BMP8B: variants seen among roughly 807,000 people sequenced by gnomAD.
BMP8B encodes the protein bone morphogenetic protein 8b.
In BMP8B, 17 loss-of-function variants were observed where a neutral mutation model predicts 30.3. That is an observed-to-expected ratio of 0.56 (90% CI 0.38 to 0.84). The LOEUF is 0.84. Ranked by LOEUF, BMP8B falls within the 40% of genes least tolerant of loss-of-function variation. BMP8B has a pLI of 0.00. For synonymous variants in BMP8B, 131 were observed against 214.7 expected, an observed-to-expected ratio of 0.61 and a Z score of 3.41; for missense variants, 253 against 494.6, an observed-to-expected ratio of 0.51 and a Z score of 4.63.
chr1:39,783,543 G>C (rs1650791081), intron 1 of BMP8B, among the ~76,000 whole-genome samples: 1 of 152,162 alleles, frequency 6.6e-6, no homozygotes, highest in South Asian at 2.1e-4. Flanking sequence ...ATGGATAAAA[G>C]ATTTATTGTT....
chr1:39,774,965 C>T lies in BMP8B; in HGVS notation c.408G>A (p.Pro136=), dbSNP rs779510652. The T allele has an allele frequency of 2.0e-5, 28 of 1,371,852 alleles. No homozygotes were observed. In the Middle Eastern group the frequency reaches 9.9e-4, roughly 48 times the overall value. 85.0% of individuals were successfully genotyped at this position (1,371,852 alleles called of 1,614,324 possible). The change falls in exon 2 of 7, where the codon CCG becomes CCA. Residue 136 remains proline, a synonymous_variant. Transcript: ENST00000372827. ...CCGCAGCTGTGACCGCCTCCCCAGC[C>T]GGGATCTGGGTCAGGTCAAAGCGGA... ...KEFRFDLTQI[P]AGEAVTAAEF...
rs1186118290 is a variant in BMP8B, at chr1:39,760,384, A to G, written c.*35T>C. The G allele has an allele frequency of 6.2e-7, 1 of 1,611,522 alleles. No individual in the cohort carries two copies. The highest frequency in any genetic ancestry group is 2.2e-5 in the East Asian group (1 of 44,872). On this transcript the variant is annotated 3_prime_UTR_variant, in exon 7 of 7. Transcript: ENST00000372827. Reference sequence around the variant, plus strand: ...GCTTCTGAGGGGCCCGATCCAGATGAGAAGGGTGGCTGCAGCTGGGCCGGG... The same window carrying G: ...GCTTCTGAGGGGCCCGATCCAGATGGGAAGGGTGGCTGCAGCTGGGCCGGG...
At chr1:39,763,624 C>T in intron 5 of BMP8B, 88 bp downstream of exon 5, 1 of 1,374,112 alleles carries the variant, frequency 7.3e-7, no homozygotes, top group Non-Finnish European at 9.7e-7. Context: ...AAATTGAAGT[C>T]ACCATGATTC....
chr1:39,762,465 A>G (rs1649123803), intron 6 of BMP8B: 1 of 1,517,330 alleles, frequency 6.6e-7, no homozygotes, highest in South Asian at 1.3e-5. Context: ...CAGAGCACTC[A>G]ACAGTGAGCA....
At chr1:39,784,042 G>A (rs1167196856) in intron 1 of BMP8B, among the ~76,000 whole-genome samples, 6 of 152,226 alleles carry the variant, frequency 3.9e-5, no homozygotes, top group Non-Finnish European at 7.3e-5. Context: ...AGAGGCAGCT[G>A]CTATTTTGGA....
intron 3 of BMP8B, chr1:39,770,097 G>A (rs1484406239): frequency 1.2e-5 from 15 of 1,220,202 alleles, no homozygotes; most frequent in South Asian, 1.5e-5. Flanking sequence ...TGTCCCCCTC[G>A]GATCATGGCG....
Position 39,788,646 on chromosome 1 carries a change from C to T in BMP8B, c.-161G>A. ...GCGGCGACCGCGGCCTCAGCGCGGTCCCTGGAGCGCCCGCCGCGCGACACC... is the reference window on the plus strand; with the variant it reads ...GCGGCGACCGCGGCCTCAGCGCGGTTCCTGGAGCGCCCGCCGCGCGACACC... On this transcript the variant is annotated 5_prime_UTR_variant, in exon 1 of 7. Transcript: ENST00000372827. This position sits in a 1 kb window ranked among gnomAD's most constrained non-coding sequence, Gnocchi z 5.8. The T allele has an allele frequency of 1.7e-6, 1 of 585,256 alleles. No individual in the cohort carries two copies. Among genetic ancestry groups the T allele is most frequent in the Non-Finnish European group, 2.1e-6 (1 of 465,240 alleles). 36.3% of individuals were successfully genotyped at this position (585,256 alleles called of 1,614,324 possible).
chr1:39,786,804 C>T (rs1372177019), intron 1 of BMP8B, among the ~76,000 whole-genome samples: 5 of 152,360 alleles, frequency 3.3e-5, no homozygotes, highest in East Asian at 1.9e-4. Flanking sequence ...TGGCACTGGG[C>T]GCTCAGTGAT....
intron 1 of BMP8B, among the ~76,000 whole-genome samples, chr1:39,782,267 G>GC (rs1406562197): frequency 6.6e-6 from 1 of 152,082 alleles, no homozygotes; most frequent in Admixed American, 6.6e-5. Flanking sequence ...GCTCTGGGAA[G>GC]CCCCCCACAG....
intron 1 of BMP8B, among the ~76,000 whole-genome samples, chr1:39,787,235 G>A (rs1000733094): frequency 2.1e-5 from 3 of 145,870 alleles, no homozygotes; most frequent in African/African-American, 7.5e-5. Flanking sequence ...CTGATGGCCG[G>A]GGCCAGGGAC....
intron 1 of BMP8B, among the ~76,000 whole-genome samples, chr1:39,778,848 C>T (rs548736304): frequency 6.6e-5 from 10 of 152,286 alleles, no homozygotes; most frequent in African/African-American, 1.4e-4. Flanking sequence ...AAAGAGGTTC[C>T]GGGAGGAGGG....
At chr1:39,769,045 G>A (rs1298323465) in intron 3 of BMP8B, among the ~76,000 whole-genome samples, 1 of 147,246 alleles carries the variant, frequency 6.8e-6, no homozygotes, top group Non-Finnish European at 1.5e-5. Flanking sequence ...AAAAAAATAA[G>A]CAGGCATTGT....
At chr1:39,762,848 A>G (rs1360343728) in intron 6 of BMP8B, among the ~76,000 whole-genome samples, 3 of 152,262 alleles carry the variant, frequency 2.0e-5, no homozygotes, top group Non-Finnish European at 2.9e-5. Context: ...GGTGCATAGA[A>G]CAGGCATGTG....
intron 1 of BMP8B, among the ~76,000 whole-genome samples, chr1:39,787,417 T>A (rs1270598933): frequency 6.6e-6 from 1 of 152,044 alleles, no homozygotes; most frequent in African/African-American, 2.4e-5. Context: ...GGAAAAAAAA[T>A]CTCTGAGATC....
intron 6 of BMP8B, chr1:39,761,445 C>T (rs1648968208): frequency 6.6e-6 from 1 of 152,618 alleles, no homozygotes; most frequent in African/African-American, 2.4e-5. Flanking sequence ...CAATCCCAGC[C>T]TCCCCCAGCA....
chr1:39,764,630 C>G lies in BMP8B; in HGVS notation c.861G>C (p.Gly287=), dbSNP rs146913254. 3.2e-5 allele frequency: 51 copies of G among 1,613,052 alleles called. No homozygotes were observed. In the African/African-American group the frequency reaches 3.7e-4, roughly 12 times the overall value. Residue 287 remains glycine (G), a synonymous_variant, in exon 4 of 7, where the codon GGG becomes GGC. Coordinates refer to ENST00000372827, the MANE Select transcript of BMP8B (RefSeq NM_001720.5). ...NELPQANRLP[G]IFDDVHGSHG... ...AGCCTGCCCGACCCTCACCAAAGAT[C>G]CCTGGGAGTCGGTTGGCCTGCGGCA...
intron 6 of BMP8B, among the ~76,000 whole-genome samples, 186 bp from the exon 7 acceptor site, chr1:39,760,754 T>A (rs2124411448): frequency 6.6e-6 from 1 of 151,996 alleles, no homozygotes; most frequent in South Asian, 2.1e-4. Flanking sequence ...GTGGGAGCTG[T>A]AGTAACACGC....
intron 3 of BMP8B, chr1:39,770,684 T>A: frequency 1.5e-6 from 2 of 1,352,868 alleles, no homozygotes; most frequent in Non-Finnish European, 2.0e-6. Flanking sequence ...GCCGTTGAAC[T>A]CCCTCACCTC....
chr1:39,769,222 A>G (rs1284537668), intron 3 of BMP8B, among the ~76,000 whole-genome samples: 3 of 150,852 alleles, frequency 2.0e-5, no homozygotes, highest in African/African-American at 7.3e-5. Flanking sequence ...GAAAAAGAAA[A>G]AACAAGCTCG....
Sources: allele counts gnomAD v4.1 joint callset (sites outside exome capture counted in the v4.1 genomes callset), GRCh38; gene constraint gnomAD v4.1.1; non-coding constraint Gnocchi (gnomAD v3.1); transcripts MANE v1.5; gene names NCBI Gene and HGNC (gene_info 2026-07-23, HGNC 2026-07-21).